Variants in KAZN observed in about 807,000 individuals in gnomAD.
The protein encoded by KAZN is kazrin.
KAZN carries 40 observed loss-of-function variants against 87.4 expected under a neutral mutation model. The observed-to-expected ratio is 0.46, with a 90% CI of 0.36 to 0.60. The LOEUF (loss-of-function observed/expected upper bound fraction) is 0.60. Among genes scored for constraint, KAZN ranks in the 20% least tolerant of loss-of-function variants. The pLI, the probability that KAZN is intolerant of heterozygous loss-of-function variation, is 0.00. For synonymous variants in KAZN, 466 were observed against 458.3 expected, an observed-to-expected ratio of 1.02 and a Z score of -0.22; for missense variants, 898 against 1,073.9, an observed-to-expected ratio of 0.84 and a Z score of 2.29.
chr1:14,906,172 T>C, intron 1 of KAZN, among the ~76,000 whole-genome samples: 1 of 117,542 alleles, frequency 8.5e-6, no homozygotes, highest in South Asian at 3.2e-4. Context: ...TCTCAAAAAA[T>C]ATATTATAAT....
At chr1:14,093,731 GT>G (rs1644061479) in intron 1 of KAZN, among the ~76,000 whole-genome samples, 1 of 152,118 alleles carries the variant, frequency 6.6e-6, no homozygotes, top group Non-Finnish European at 1.5e-5. Context: ...TTTGATCATA[GT>G]TTTACATGAC....
chr1:13,908,463 C>T (rs1402141322), intron 1 of KAZN, among the ~76,000 whole-genome samples: 1 of 152,206 alleles, frequency 6.6e-6, no homozygotes, highest in Non-Finnish European at 1.5e-5. Context: ...TAGCTAATTC[C>T]CCTGGGTCCT....
At chr1:14,589,374 C>G (rs1305440622) in intron 2 of KAZN, among the ~76,000 whole-genome samples, 1 of 150,752 alleles carries the variant, frequency 6.6e-6, no homozygotes, top group African/African-American at 2.4e-5. Flanking sequence ...TTAAGATAAA[C>G]ATGACAGCTT....
chr1:14,843,302 G>A (rs1350811622), intron 1 of KAZN, among the ~76,000 whole-genome samples: 3 of 152,208 alleles, frequency 2.0e-5, no homozygotes, highest in African/African-American at 7.2e-5. Context: ...AGAATAATAA[G>A]GGACCCATCT....
intron 1 of KAZN, among the ~76,000 whole-genome samples, chr1:14,035,254 A>G (rs7551069): frequency 0.73 from 111,235 of 151,900 alleles, 40,801 homozygotes; most frequent in Admixed American, 0.83. Flanking sequence ...TTGACAAAAA[A>G]TTGCAGTAGA....
chr1:15,088,960 A>G (rs968784323), intron 8 of KAZN, among the ~76,000 whole-genome samples: 8 of 151,990 alleles, frequency 5.3e-5, no homozygotes, highest in African/African-American at 1.9e-4. Context: ...CAGAAAATAA[A>G]TAACCCACAC....
intron 2 of KAZN, among the ~76,000 whole-genome samples, chr1:14,555,867 G>C (rs1207280393): frequency 6.6e-6 from 1 of 152,156 alleles, no homozygotes; most frequent in Non-Finnish European, 1.5e-5. Context: ...CAATAGGCTT[G>C]CCCCTTACTT....
chr1:14,504,570 G>C (rs10733135), intron 2 of KAZN, among the ~76,000 whole-genome samples: 1 of 151,990 alleles, frequency 6.6e-6, no homozygotes. Flanking sequence ...TCTGCTACTC[G>C]AGGGGAGATG....
chr1:14,901,494 T>C (rs558383229), intron 1 of KAZN, among the ~76,000 whole-genome samples: 25 of 151,854 alleles, frequency 1.6e-4, no homozygotes, highest in African/African-American at 5.6e-4. Context: ...ATGGTCTGAG[T>C]GCTGATAAGT....
chr1:14,637,941 T>TG (rs1680118596), intron 1 of KAZN, among the ~76,000 whole-genome samples: 1 of 152,086 alleles, frequency 6.6e-6, no homozygotes, highest in Non-Finnish European at 1.5e-5. Context: ...CTGGGAGGTC[T>TG]GGGGGAGAGA....
chr1:13,936,004 C>G (rs12133053), intron 1 of KAZN, among the ~76,000 whole-genome samples: 1 of 146,794 alleles, frequency 6.8e-6, no homozygotes, highest in East Asian at 2.0e-4. Context: ...CATTACATAT[C>G]TGGTATGTGT....
At chr1:14,556,365 A>T (rs909725056) in intron 2 of KAZN, among the ~76,000 whole-genome samples, 6 of 151,976 alleles carry the variant, frequency 3.9e-5, no homozygotes, top group African/African-American at 1.4e-4. Context: ...CGCCTCGGCC[A>T]CCCAAAGTGC....
intron 1 of KAZN, among the ~76,000 whole-genome samples, chr1:14,745,884 C>T (rs1031057196): frequency 6.6e-6 from 1 of 152,126 alleles, no homozygotes; most frequent in Non-Finnish European, 1.5e-5. Context: ...TCATTTGTCA[C>T]GAGTGGGCTT....
chr1:14,544,062 C>A (rs1208382258), intron 2 of KAZN, among the ~76,000 whole-genome samples: 1 of 152,148 alleles, frequency 6.6e-6, no homozygotes, highest in East Asian at 1.9e-4. Context: ...AATTTTGAAT[C>A]AGGCTTTTCA....
intron 2 of KAZN, among the ~76,000 whole-genome samples, chr1:14,274,309 G>A (rs567443965): frequency 6.6e-6 from 1 of 152,260 alleles, no homozygotes; most frequent in South Asian, 2.1e-4. Flanking sequence ...TTAATGTTTT[G>A]TATCTCTGGT....
At chr1:14,134,001 T>C (rs918724811) in intron 1 of KAZN, among the ~76,000 whole-genome samples, 4 of 152,182 alleles carry the variant, frequency 2.6e-5, no homozygotes, top group Admixed American at 2.0e-4. Context: ...AAATGAATCC[T>C]CATTAACACA....
At chr1:14,078,982 G>A (rs924200313) in intron 1 of KAZN, among the ~76,000 whole-genome samples, 33 of 152,156 alleles carry the variant, frequency 2.2e-4, no homozygotes, top group African/African-American at 7.2e-4. Flanking sequence ...CACCGTGCCC[G>A]GCCTCTGGGG....
intron 2 of KAZN, among the ~76,000 whole-genome samples, chr1:14,484,499 T>C (rs1557751635): frequency 6.6e-6 from 1 of 152,250 alleles, no homozygotes; most frequent in African/African-American, 2.4e-5. Context: ...TATTCTGTGC[T>C]CATACTTCTT....
At chr1:14,588,084 A>C (rs2148575186) in intron 2 of KAZN, among the ~76,000 whole-genome samples, 1 of 152,214 alleles carries the variant, frequency 6.6e-6, no homozygotes. Context: ...AACCTTCCTG[A>C]GTCTCAGTTC....
Sources: gnomAD v4.1 joint callset for allele counts (sites outside exome capture counted in the v4.1 genomes callset) on GRCh38, gnomAD v4.1.1 for gene constraint, MANE v1.5 for transcripts, NCBI Gene and HGNC (gene_info 2026-07-23, HGNC 2026-07-21) for gene names.